The following KDM4C variants were observed in gnomAD, a reference collection of about 807,000 sequenced individuals.
KDM4C encodes the protein lysine-specific demethylase 4C.
A neutral mutation model predicts 129.3 loss-of-function variants in KDM4C; 81 were observed. The observed-to-expected ratio is 0.63, with a 90% CI of 0.52 to 0.75. The LOEUF (loss-of-function observed/expected upper bound fraction) is 0.75, where lower values mean the gene tolerates loss of function less well. KDM4C is among the 30% of genes least tolerant of loss of function. The pLI, the probability that KDM4C is intolerant of heterozygous loss-of-function variation, is 0.00. For missense variants in KDM4C, 1,457 were observed against 1,304.0 expected (o/e 1.12, Z -1.81); for synonymous variants, 573 against 456.1 (o/e 1.26, Z -3.26).
chr9:6,814,818 A>T, intron 4 of KDM4C, 73 bp downstream of exon 4: 1 of 917,092 alleles, frequency 1.1e-6, no homozygotes. Context: ...TAAGCAGTTT[A>T]GAAGTGTTCT....
At chr9:7,105,352 G>A in intron 18 of KDM4C, 1 of 444,030 alleles carries the variant, frequency 2.3e-6, no homozygotes, top group Non-Finnish European at 4.7e-6. Context: ...CTGAGCCTCA[G>A]CTTCCTCATC....
At chr9:6,767,668 C>G (rs567740700) in intron 1 of KDM4C, among the ~76,000 whole-genome samples, 1 of 152,066 alleles carries the variant, frequency 6.6e-6, no homozygotes, top group Non-Finnish European at 1.5e-5. Context: ...GCCATGTTGT[C>G]CAGGCTGGTC....
At chr9:6,879,036 C>G (rs1427752055) in intron 5 of KDM4C, among the ~76,000 whole-genome samples, 1 of 152,096 alleles carries the variant, frequency 6.6e-6, no homozygotes, top group African/African-American at 2.4e-5. Context: ...TATATTGGAT[C>G]CAATTAAGTT....
intron 17 of KDM4C, among the ~76,000 whole-genome samples, chr9:7,084,887 A>T (rs1834934712): frequency 6.6e-6 from 1 of 152,232 alleles, no homozygotes; most frequent in Non-Finnish European, 1.5e-5. Flanking sequence ...TAGATCTATG[A>T]AGAGAGATAC....
At chr9:6,961,814 T>C (rs1368748421) in intron 8 of KDM4C, among the ~76,000 whole-genome samples, 1 of 152,250 alleles carries the variant, frequency 6.6e-6, no homozygotes, top group African/African-American at 2.4e-5. Flanking sequence ...TTCCATATTA[T>C]TGCATCTTCT....
intron 5 of KDM4C, among the ~76,000 whole-genome samples, chr9:6,875,580 A>C (rs1414758174): frequency 6.6e-6 from 1 of 152,204 alleles, no homozygotes; most frequent in Non-Finnish European, 1.5e-5. Flanking sequence ...GAGGCATTAG[A>C]GTTCATCTCT....
chr9:6,807,467 A>G (rs1830227641), intron 3 of KDM4C, among the ~76,000 whole-genome samples: 1 of 133,144 alleles, frequency 7.5e-6, no homozygotes, highest in Non-Finnish European at 1.6e-5. Flanking sequence ...CATCACATCT[A>G]GGAAGTGAGG....
intron 1 of KDM4C, among the ~76,000 whole-genome samples, chr9:6,761,319 A>G (rs1819448515): frequency 6.6e-6 from 1 of 151,572 alleles, no homozygotes; most frequent in South Asian, 2.1e-4. Context: ...TCTGGATGTC[A>G]GTATTAAGAT....
chr9:6,832,317 G>A (rs1250211483), intron 4 of KDM4C, among the ~76,000 whole-genome samples: 2 of 149,692 alleles, frequency 1.3e-5, no homozygotes, highest in African/African-American at 2.5e-5. Context: ...TCCAGCCTGG[G>A]CGACAGAGTG....
Position 7,174,871 on chromosome 9 carries a change from T to A in KDM4C, c.*142T>A. On this transcript the variant is annotated 3_prime_UTR_variant, in exon 22 of 22. Coordinates refer to ENST00000381309, the MANE Select transcript of KDM4C (RefSeq NM_015061.6). ...ACAGTGGTAAATCGGGTTTCCAGAG[T>A]TTGGTCACCAAAAATACAAAATACA... 3.1e-6 allele frequency: 2 copies of A among 647,790 alleles called. No individual in the cohort carries two copies. 40.1% of individuals were successfully genotyped at this position (647,790 alleles called of 1,614,324 possible).
At chr9:6,737,862 C>G (rs1291099729) in intron 1 of KDM4C, among the ~76,000 whole-genome samples, 1 of 151,568 alleles carries the variant, frequency 6.6e-6, no homozygotes, top group South Asian at 2.1e-4. Context: ...CTGGGCTGGG[C>G]AAGGTGGCTC....
chr9:7,121,407 T>C (rs1839471932), intron 18 of KDM4C, among the ~76,000 whole-genome samples: 1 of 152,192 alleles, frequency 6.6e-6, no homozygotes, highest in South Asian at 2.1e-4. Flanking sequence ...TCAAGCCCTC[T>C]TGAACGAAGG....
At chr9:6,907,093 T>G (rs1237218539) in intron 8 of KDM4C, among the ~76,000 whole-genome samples, 1 of 152,226 alleles carries the variant, frequency 6.6e-6, no homozygotes, top group African/African-American at 2.4e-5. Context: ...CAATAGATTT[T>G]TAGAAAAATC....
intron 12 of KDM4C, among the ~76,000 whole-genome samples, chr9:7,008,790 TACTGACGCAGAC>T (rs1259914726): frequency 1.1e-4 from 17 of 152,172 alleles, no homozygotes; most frequent in African/African-American, 4.1e-4. Context: ...CCAGCTCACA[TACTGACGCAGAC>T]ACAAGGCCGG....
intron 1 of KDM4C, among the ~76,000 whole-genome samples, chr9:6,743,941 T>C (rs1817791407): frequency 6.6e-6 from 1 of 150,582 alleles, no homozygotes; most frequent in South Asian, 2.1e-4. Flanking sequence ...TGAAATAAGG[T>C]CTCGCTATGC....
At chr9:6,876,499 C>T (rs1002573533) in intron 5 of KDM4C, among the ~76,000 whole-genome samples, 32 of 152,210 alleles carry the variant, frequency 2.1e-4, no homozygotes, top group African/African-American at 7.2e-4. Context: ...GTGCGTTCCC[C>T]TCTACCGAGG....
intron 5 of KDM4C, among the ~76,000 whole-genome samples, chr9:6,867,518 A>T (rs888730124): frequency 6.6e-6 from 1 of 152,216 alleles, no homozygotes; most frequent in Non-Finnish European, 1.5e-5. Flanking sequence ...AATTTTTGAT[A>T]TGGGCAGACA....
chr9:6,799,378 C>A (rs919852832), intron 2 of KDM4C, among the ~76,000 whole-genome samples: 3 of 152,234 alleles, frequency 2.0e-5, no homozygotes, highest in African/African-American at 7.2e-5. Context: ...GCCCGGCCAA[C>A]ACAGCGAAAC....
chr9:6,937,101 A>G (rs1384919371), intron 8 of KDM4C, among the ~76,000 whole-genome samples: 2 of 152,226 alleles, frequency 1.3e-5, no homozygotes, highest in African/African-American at 4.8e-5. Flanking sequence ...ATTGTAGTCA[A>G]TCAGAAAGAC....
Sources: gnomAD v4.1 joint callset for allele counts (sites outside exome capture counted in the v4.1 genomes callset) on GRCh38, gnomAD v4.1.1 for gene constraint, MANE v1.5 for transcripts, NCBI Gene and HGNC (gene_info 2026-07-23, HGNC 2026-07-21) for gene names.